The following PRKG1 variants were observed in gnomAD, a reference collection of about 807,000 sequenced individuals.
PRKG1 encodes the protein cGMP-dependent protein kinase 1.
A neutral mutation model predicts 88.1 loss-of-function variants in PRKG1; 35 were observed. That is an observed-to-expected ratio of 0.40 (90% CI 0.30 to 0.53). The LOEUF (loss-of-function observed/expected upper bound fraction) is 0.53. Among genes scored for constraint, PRKG1 ranks in the 20% least tolerant of loss-of-function variants. The pLI is 0.59. For synonymous variants in PRKG1, 303 were observed against 292.5 expected (o/e 1.04, Z -0.37); for missense variants, 540 against 839.8 (o/e 0.64, Z 4.41).
At chr10:51,452,908 A>C (rs368093640) in intron 2 of PRKG1, among the ~76,000 whole-genome samples, 1 of 151,990 alleles carries the variant, frequency 6.6e-6, no homozygotes, top group Non-Finnish European at 1.5e-5. Context: ...TCAGCTGTGA[A>C]TCTAACTATT....
At chr10:51,728,914 A>C (rs1162328409) in intron 3 of PRKG1, among the ~76,000 whole-genome samples, 1 of 152,264 alleles carries the variant, frequency 6.6e-6, no homozygotes, top group Non-Finnish European at 1.5e-5. Context: ...ATCGTATATG[A>C]ACTTTATTCC....
intron 2 of PRKG1, among the ~76,000 whole-genome samples, chr10:51,238,459 G>A (rs568906100): frequency 3.3e-5 from 5 of 152,202 alleles, no homozygotes; most frequent in African/African-American, 7.2e-5. Context: ...GGCGGGCCCC[G>A]TTATCCCAGC....
intron 3 of PRKG1, among the ~76,000 whole-genome samples, chr10:51,801,071 T>A (rs1254191028): frequency 1.3e-5 from 2 of 152,114 alleles, no homozygotes; most frequent in East Asian, 3.9e-4. Flanking sequence ...TTTTGTGTAT[T>A]CACAGCCCCA....
chr10:51,906,927 G>A (rs113445303), intron 4 of PRKG1, among the ~76,000 whole-genome samples: 3,330 of 152,114 alleles, frequency 0.022, 125 homozygotes, highest in African/African-American at 0.076. Context: ...GTTGGAATTT[G>A]GTATCTTATT....
intron 3 of PRKG1, among the ~76,000 whole-genome samples, chr10:51,737,826 C>T (rs1837328470): frequency 6.6e-6 from 1 of 150,864 alleles, no homozygotes; most frequent in Non-Finnish European, 1.5e-5. Context: ...TGCAATGGCA[C>T]CATCTCGGCT....
At chr10:51,394,086 G>A (rs528573319) in intron 2 of PRKG1, among the ~76,000 whole-genome samples, 55 of 152,286 alleles carry the variant, frequency 3.6e-4, no homozygotes, top group African/African-American at 1.2e-3. Context: ...GCTGAGAGCA[G>A]GTCTTCTGAT....
intron 1 of PRKG1, among the ~76,000 whole-genome samples, chr10:51,079,765 A>G (rs985871612): frequency 1.3e-5 from 2 of 152,146 alleles, no homozygotes; most frequent in Non-Finnish European, 2.9e-5. Flanking sequence ...ATATCAGTTC[A>G]GCTTTCTTAC....
intron 9 of PRKG1, among the ~76,000 whole-genome samples, chr10:52,170,281 TTCTGC>T (rs561161892): frequency 6.6e-6 from 1 of 152,214 alleles, no homozygotes; most frequent in Non-Finnish European, 1.5e-5. Flanking sequence ...TCTTGTTCTG[TTCTGC>T]TCTCCTCATC....
intron 2 of PRKG1, among the ~76,000 whole-genome samples, chr10:51,301,055 C>T (rs937116089): frequency 6.6e-6 from 1 of 152,054 alleles, no homozygotes; most frequent in African/African-American, 2.4e-5. Context: ...ACTCTCATGT[C>T]GGTGACAGCA....
chr10:51,265,838 G>A (rs1839823517), intron 2 of PRKG1, among the ~76,000 whole-genome samples: 1 of 152,124 alleles, frequency 6.6e-6, no homozygotes, highest in Non-Finnish European at 1.5e-5. Context: ...CTGGAGATAG[G>A]GAGGAAAGGG....
chr10:52,040,242 G>A (rs938450506), intron 5 of PRKG1, among the ~76,000 whole-genome samples: 3 of 152,126 alleles, frequency 2.0e-5, no homozygotes, highest in Non-Finnish European at 4.4e-5. Flanking sequence ...TGATCAACCT[G>A]CTCTTTTTCT....
intron 2 of PRKG1, among the ~76,000 whole-genome samples, chr10:51,181,224 ATTTTTT>A (rs1223588085): frequency 0.037 from 2,875 of 78,118 alleles, 52 homozygotes; most frequent in African/African-American, 0.13. Context: ...ATTATATAGA[ATTTTTT>A]TTTTTTTTTT....
At chr10:52,259,487 T>G (rs1397935361) in intron 10 of PRKG1, among the ~76,000 whole-genome samples, 1 of 152,090 alleles carries the variant, frequency 6.6e-6, no homozygotes, top group Non-Finnish European at 1.5e-5. Context: ...AACAGGTAAT[T>G]CTGTATGTTT....
chr10:51,661,452 T>C (rs2132331239), intron 3 of PRKG1, among the ~76,000 whole-genome samples: 1 of 152,284 alleles, frequency 6.6e-6, no homozygotes, highest in East Asian at 1.9e-4. Context: ...AGAAGACATT[T>C]ATGCAGCCAA....
intron 3 of PRKG1, among the ~76,000 whole-genome samples, chr10:51,627,307 A>C (rs1236005925): frequency 6.6e-6 from 1 of 152,174 alleles, no homozygotes; most frequent in Non-Finnish European, 1.5e-5. Context: ...ATATTGGTGA[A>C]AGCTTGGGCA....
intron 1 of PRKG1, among the ~76,000 whole-genome samples, chr10:51,081,282 G>A (rs1025241867): frequency 2.0e-5 from 3 of 152,198 alleles, no homozygotes; most frequent in Non-Finnish European, 4.4e-5. Context: ...AACGAGATGG[G>A]TATTGGTAAA....
chr10:51,295,474 T>G (rs1840695394), intron 2 of PRKG1, among the ~76,000 whole-genome samples: 1 of 152,140 alleles, frequency 6.6e-6, no homozygotes, highest in African/African-American at 2.4e-5. Flanking sequence ...GTATACTAAT[T>G]TTATACCCTG....
At chr10:52,043,539 T>G (rs1170472479) in intron 5 of PRKG1, among the ~76,000 whole-genome samples, 1 of 151,908 alleles carries the variant, frequency 6.6e-6, no homozygotes, top group African/African-American at 2.4e-5. Flanking sequence ...AGTAGAATAT[T>G]GGTTACCAGG....
chr10:51,239,463 A>G (rs903225731), intron 2 of PRKG1, among the ~76,000 whole-genome samples: 1 of 152,234 alleles, frequency 6.6e-6, no homozygotes, highest in Non-Finnish European at 1.5e-5. Flanking sequence ...TGAAAAACAC[A>G]GTTAGCCAAA....
Sources: gnomAD v4.1 joint callset for allele counts (sites outside exome capture counted in the v4.1 genomes callset) on GRCh38, gnomAD v4.1.1 for gene constraint, MANE v1.5 for transcripts, NCBI Gene and HGNC (gene_info 2026-07-23, HGNC 2026-07-21) for gene names.